The following LRP1B variants were observed in gnomAD, a reference collection of about 807,000 sequenced individuals.
LRP1B encodes low-density lipoprotein receptor-related protein 1B.
LRP1B carries 217 observed loss-of-function variants against 556.6 expected under a neutral mutation model. That is an observed-to-expected ratio of 0.39 (90% CI 0.35 to 0.44). The LOEUF (loss-of-function observed/expected upper bound fraction) is 0.44. LRP1B is among the 20% of genes least tolerant of loss of function. The pLI, the probability that LRP1B is intolerant of heterozygous loss-of-function variation, is 1.00. For missense variants in LRP1B, 5,053 were observed against 5,620.8 expected (o/e 0.90, Z 3.23); for synonymous variants, 2,047 against 1,865.8 (o/e 1.10, Z -2.50).
intron 1 of LRP1B, among the ~76,000 whole-genome samples, chr2:142,113,029 G>T (rs191512487): frequency 6.6e-6 from 1 of 152,172 alleles, no homozygotes; most frequent in South Asian, 2.1e-4. Context: ...TCTTCCCCCT[G>T]GTGGTTATAG....
At chr2:141,397,921 TG>T (rs1310464966) in intron 3 of LRP1B, among the ~76,000 whole-genome samples, 1 of 151,850 alleles carries the variant, frequency 6.6e-6, no homozygotes, top group African/African-American at 2.4e-5. Flanking sequence ...TATATGCATA[TG>T]TATATATATT....
chr2:141,191,854 G>T (rs747445199), intron 6 of LRP1B, among the ~76,000 whole-genome samples: 1 of 151,852 alleles, frequency 6.6e-6, no homozygotes, highest in Non-Finnish European at 1.5e-5. Flanking sequence ...CTTGGGTTCA[G>T]ATAAAGTATG....
intron 1 of LRP1B, 140 bp downstream of exon 1, chr2:142,130,508 A>G: frequency 1.5e-6 from 1 of 677,166 alleles, no homozygotes; most frequent in Non-Finnish European, 2.5e-6. Context: ...ACCCCCGCAC[A>G]GGGCCAGCGC....
In LRP1B at chr2:141,093,050, G is replaced by T. The variant is rs75116882; in HGVS notation, c.1014-30777C>A. On this transcript the variant is annotated intron_variant, in intron 7 of 90. Transcript: ENST00000389484. ...AATATGGAGTCAAGACTTTTTTGTTGTTTTTTTTTTGTTAACACATTAGGG... is the reference window on the plus strand; with the variant it reads ...AATATGGAGTCAAGACTTTTTTGTTTTTTTTTTTTTGTTAACACATTAGGG... Among the ~76,000 whole-genome samples the T allele has an allele frequency of 4.1e-5, 6 of 147,810 alleles. 1 individual carries two copies. Among genetic ancestry groups the T allele is most frequent in the Admixed American group, 3.4e-4 (5 of 14,792 alleles).
At chr2:141,702,717 A>G (rs1691986439) in intron 2 of LRP1B, among the ~76,000 whole-genome samples, 1 of 151,926 alleles carries the variant, frequency 6.6e-6, no homozygotes, top group Non-Finnish European at 1.5e-5. Context: ...TTATTGAAAA[A>G]AAAGTCAAGA....
chr2:141,599,624 T>A (rs980475986), intron 2 of LRP1B, among the ~76,000 whole-genome samples: 2 of 152,144 alleles, frequency 1.3e-5, no homozygotes. Flanking sequence ...TATGTACAAT[T>A]TGATCCAGAG....
intron 2 of LRP1B, among the ~76,000 whole-genome samples, chr2:141,497,482 C>T (rs1559105557): frequency 6.6e-6 from 1 of 152,068 alleles, no homozygotes; most frequent in African/African-American, 2.4e-5. Context: ...TATAAAATAA[C>T]CTAGAATAAC....
At chr2:140,376,568 T>TAAAAAAA (rs1683240051) in intron 68 of LRP1B, among the ~76,000 whole-genome samples, 1 of 152,238 alleles carries the variant, frequency 6.6e-6, no homozygotes, top group Admixed American at 6.5e-5. Context: ...AACTCTCCTT[T>TAAAAAAA]GTGTTTAAAA....
chr2:140,540,868 T>C (rs1488975485), intron 45 of LRP1B, 105 bp downstream of exon 45: 11 of 1,253,176 alleles, frequency 8.8e-6, no homozygotes, highest in Admixed American at 4.6e-5. Context: ...AAGCTTCTAA[T>C]ATTAGAAGAG....
intron 77 of LRP1B, among the ~76,000 whole-genome samples, chr2:140,349,942 G>C (rs1681881811): frequency 6.6e-6 from 1 of 152,068 alleles, no homozygotes; most frequent in Admixed American, 6.6e-5. Flanking sequence ...GCATCAAATG[G>C]ATTTATGTAG....
At chr2:140,450,743 C>G (rs1686852017) in intron 62 of LRP1B, 82 bp from the exon 63 acceptor site, 2 of 888,922 alleles carry the variant, frequency 2.2e-6, no homozygotes, top group Non-Finnish European at 3.5e-6. Context: ...GCAACACAGC[C>G]TAGTCTACTT....
intron 1 of LRP1B, among the ~76,000 whole-genome samples, chr2:141,959,096 A>G (rs1438909761): frequency 1.3e-5 from 2 of 151,968 alleles, no homozygotes; most frequent in Non-Finnish European, 1.5e-5. Context: ...TAAAATTTCT[A>G]CATTTATCTG....
At chr2:141,851,760 G>A (rs753027924) in intron 1 of LRP1B, among the ~76,000 whole-genome samples, 22 of 151,554 alleles carry the variant, frequency 1.5e-4, no homozygotes, top group South Asian at 4.2e-4. Context: ...TTCCTTAAGT[G>A]CTTTCCGCCA....
intron 33 of LRP1B, among the ~76,000 whole-genome samples, chr2:140,773,274 G>A (rs929467296): frequency 3.9e-5 from 6 of 152,238 alleles, no homozygotes; most frequent in Admixed American, 6.5e-5. Flanking sequence ...GGACCAGAGC[G>A]GCCAACATGG....
intron 2 of LRP1B, among the ~76,000 whole-genome samples, chr2:141,667,831 C>A (rs62166532): frequency 0.035 from 5,393 of 152,204 alleles, 139 homozygotes; most frequent in Non-Finnish European, 0.054. Context: ...AGTACCTGCA[C>A]ATGGGAGGCA....
intron 3 of LRP1B, among the ~76,000 whole-genome samples, chr2:141,346,450 C>T (rs72977084): frequency 0.095 from 14,474 of 152,078 alleles, 1,530 homozygotes; most frequent in African/African-American, 0.26. Flanking sequence ...CTTTTCCCTT[C>T]TCTTTCCTGG....
chr2:141,484,557 A>G (rs1378739512), intron 2 of LRP1B, among the ~76,000 whole-genome samples: 3 of 152,104 alleles, frequency 2.0e-5, no homozygotes, highest in Non-Finnish European at 4.4e-5. Flanking sequence ...CTTGGGCAGT[A>G]TGGCCATTTT....
chr2:141,276,255 G>C (rs534784393), intron 3 of LRP1B, among the ~76,000 whole-genome samples: 11 of 151,564 alleles, frequency 7.3e-5, no homozygotes, highest in African/African-American at 2.4e-4. Context: ...ACCACAGTCT[G>C]TAAATTATTT....
intron 83 of LRP1B, among the ~76,000 whole-genome samples, chr2:140,312,949 A>C (rs1306387887): frequency 4.6e-5 from 7 of 151,832 alleles, no homozygotes; most frequent in Non-Finnish European, 8.8e-5. Context: ...CCTGCCCCAA[A>C]CCCTAGTTAT....
Sources: gnomAD v4.1 joint callset for allele counts (sites outside exome capture counted in the v4.1 genomes callset) on GRCh38, gnomAD v4.1.1 for gene constraint, MANE v1.5 for transcripts, NCBI Gene and HGNC (gene_info 2026-07-23, HGNC 2026-07-21) for gene names.